MTOR: variants seen among roughly 807,000 people sequenced by gnomAD.
MTOR encodes the protein serine/threonine-protein kinase mTOR.
MTOR carries 70 observed loss-of-function variants against 319.8 expected under a neutral mutation model. That is an observed-to-expected ratio of 0.22 (90% CI 0.18 to 0.27). The LOEUF is 0.27. Ranked by LOEUF, MTOR falls within the 10% of genes least tolerant of loss-of-function variation. The probability of loss-of-function intolerance (pLI) is 1.00; values close to 1 mark genes in which losing one functional copy is unlikely to be tolerated. For synonymous variants in MTOR, 1,183 were observed against 1,211.4 expected, an observed-to-expected ratio of 0.98 and a Z score of 0.49; for missense variants, 1,890 against 3,274.4, an observed-to-expected ratio of 0.58 and a Z score of 10.32.
intron 6 of MTOR, among the ~76,000 whole-genome samples, chr1:11,248,835 A>G (rs116686110): frequency 1.0e-3 from 154 of 152,196 alleles, no homozygotes; most frequent in Non-Finnish European, 1.8e-3. Context: ...ACAAAAACTT[A>G]ACCAAATAAT....
intron 6 of MTOR, 74 bp from the exon 7 acceptor site, chr1:11,248,168 G>A: frequency 6.9e-7 from 1 of 1,447,230 alleles, no homozygotes; most frequent in South Asian, 1.3e-5. Flanking sequence ...GGATTCTACA[G>A]ACAATTACAT....
chr1:11,226,339 T>C (rs1461738082), intron 19 of MTOR: 1 of 152,080 alleles, frequency 6.6e-6, no homozygotes, highest in South Asian at 2.1e-4. Flanking sequence ...ACAGGCAAAT[T>C]TGTGAAGCAT....
At chr1:11,150,065 A>T in intron 31 of MTOR, 61 bp downstream of exon 31, 2 of 1,470,160 alleles carry the variant, frequency 1.4e-6, no homozygotes, top group South Asian at 2.3e-5. Flanking sequence ...TACTCTTCTG[A>T]TGCGAGCCCC....
chr1:11,165,651 T>C (rs1332006056), intron 29 of MTOR, among the ~76,000 whole-genome samples: 1 of 151,914 alleles, frequency 6.6e-6, no homozygotes, highest in Non-Finnish European at 1.5e-5. Context: ...ATCAATATCG[T>C]GAAAATGGCC....
Position 11,237,879 on chromosome 1 carries a change from G to C in MTOR, c.2172C>G (p.Ala724=). The change falls in exon 13 of 58, where the codon GCC becomes GCG. Residue 724 remains alanine, a synonymous_variant. Coordinates refer to ENST00000361445, the MANE Select transcript of MTOR (RefSeq NM_004958.4). ...TCTTGCGCAGGAAAGGCATGACAAA[G>C]GCAGGGTTCATGCTACTGAGTCGGC... ...TVGRLSSMNP[A]FVMPFLRKML... 1 of 1,614,110 alleles carries C rather than the reference G, an allele frequency of 6.2e-7. No homozygotes were observed. The highest frequency in any genetic ancestry group is 2.2e-5 in the East Asian group (1 of 44,884).
At chr1:11,250,348 G>A (rs918679076) in intron 6 of MTOR, among the ~76,000 whole-genome samples, 14 of 152,278 alleles carry the variant, frequency 9.2e-5, no homozygotes, top group Admixed American at 6.5e-4. Context: ...AGGGGCGGCC[G>A]GGCAGAGGCG....
At position 11,127,925 on chromosome 1, in the gene MTOR, G is replaced by A. The variant is rs1570941794; in HGVS notation, c.6033+79C>T. ...CAGAGGAAGTGCACAGCACCAATGC[G>A]AGGAAGAAAAACAATCCCACTTGCG... On this transcript the variant is annotated intron_variant, in intron 43 of 57. Coordinates refer to ENST00000361445, the MANE Select transcript of MTOR (RefSeq NM_004958.4). This position sits in a 1 kb window ranked among gnomAD's most constrained non-coding sequence, Gnocchi z 5.5. The A allele has an allele frequency of 4.4e-6, 7 of 1,593,860 alleles. No homozygotes were observed. In the East Asian group the frequency reaches 6.7e-5, roughly 15 times the overall value.
intron 20 of MTOR, among the ~76,000 whole-genome samples, chr1:11,215,158 A>ATC (rs567373800): frequency 6.6e-6 from 1 of 152,088 alleles, no homozygotes; most frequent in South Asian, 2.1e-4. Context: ...GTCATATTGT[A>ATC]TCCTTGTTTA....
chr1:11,226,513 G>A (rs1465938223), intron 19 of MTOR, among the ~76,000 whole-genome samples: 4 of 152,120 alleles, frequency 2.6e-5, no homozygotes, highest in African/African-American at 7.2e-5. Context: ...GAAGTAGGCC[G>A]GGTACAGTGG....
intron 28 of MTOR, chr1:11,193,716 G>T: frequency 6.2e-7 from 1 of 1,614,118 alleles, no homozygotes; most frequent in Non-Finnish European, 8.5e-7. Flanking sequence ...TTCTGGCTGG[G>T]GAACGAACAC....
In MTOR at chr1:11,231,443, G is replaced by A. The variant is rs1255781138; in HGVS notation, c.2515-9C>T. 3 of 1,613,538 alleles carry A rather than the reference G, an allele frequency of 1.9e-6. No homozygotes were observed. Among genetic ancestry groups the A allele is most frequent in the Non-Finnish European group, 2.5e-6 (3 of 1,179,766 alleles). On this transcript the variant is annotated splice_polypyrimidine_tract_variant and intron_variant, in intron 16 of 57. Coordinates refer to ENST00000361445, the MANE Select transcript of MTOR (RefSeq NM_004958.4). Reference sequence around the variant, plus strand: ...AGGGTCCACAGAGCCACCTGGATAGGCACAAGAACACGATTCAATGAGCCA... The same window carrying A: ...AGGGTCCACAGAGCCACCTGGATAGACACAAGAACACGATTCAATGAGCCA...
In MTOR at chr1:11,199,367, G is replaced by A. The variant is rs1571146566; in HGVS notation, c.4144C>T (p.Leu1382=). The change falls in exon 28 of 58, where the codon CTG becomes TTG. Residue 1382 remains leucine (L), a synonymous_variant. Coordinates refer to ENST00000361445, the MANE Select transcript of MTOR (RefSeq NM_004958.4). This position sits in a 1 kb window ranked among gnomAD's most constrained non-coding sequence, Gnocchi z 4.5. ...LPLRDDNGIV[L]LGERAAKCRA... ...CACTTGGCAGCTCTCTCACCCAGCA[G>A]AACAATGCCATTGTCATCTCTCAGT... 3 of 1,614,188 alleles carry A rather than the reference G, an allele frequency of 1.9e-6. No homozygotes were observed. Among genetic ancestry groups the A allele is most frequent in the Admixed American group, 1.7e-5 (1 of 60,016 alleles).
intron 36 of MTOR, among the ~76,000 whole-genome samples, chr1:11,137,740 G>A (rs911554153): frequency 1.3e-5 from 2 of 152,138 alleles, no homozygotes; most frequent in East Asian, 3.8e-4. Context: ...GCCTGTCTCT[G>A]GACTCTGTGA....
intron 13 of MTOR, among the ~76,000 whole-genome samples, chr1:11,237,283 C>T (rs971295437): frequency 5.9e-5 from 9 of 152,068 alleles, no homozygotes; most frequent in African/African-American, 2.2e-4. Flanking sequence ...AACTGAGGAG[C>T]CATGTCTCCA....
intron 25 of MTOR, among the ~76,000 whole-genome samples, chr1:11,206,456 G>A (rs767546702): frequency 1.3e-5 from 2 of 152,050 alleles, no homozygotes; most frequent in Admixed American, 6.6e-5. Context: ...AGTGCCTCAC[G>A]GTCCACATCT....
At position 11,133,291 on chromosome 1, in the gene MTOR, T is replaced by A; in HGVS notation, c.5247-94A>T. Reference sequence around the variant, plus strand: ...TTGTTAGGGGACACTGAAGCCCTTCTGGTATTTCCTCTTATTCTCAAGAGG... The same window carrying A: ...TTGTTAGGGGACACTGAAGCCCTTCAGGTATTTCCTCTTATTCTCAAGAGG... On this transcript the variant is annotated intron_variant, in intron 37 of 57. Transcript: ENST00000361445. This position sits in a 1 kb window ranked among gnomAD's most constrained non-coding sequence, Gnocchi z 4.0. The A allele has an allele frequency of 9.1e-7, 1 of 1,094,232 alleles. No individual in the cohort carries two copies. Among genetic ancestry groups the A allele is most frequent in the Non-Finnish European group, 1.4e-6 (1 of 727,968 alleles). 67.8% of individuals were successfully genotyped at this position (1,094,232 alleles called of 1,614,324 possible).
intron 28 of MTOR, chr1:11,193,573 G>A: frequency 6.3e-7 from 1 of 1,576,262 alleles, no homozygotes; most frequent in Non-Finnish European, 8.6e-7. Flanking sequence ...TATCCCCTCT[G>A]CTTCAGGTGT....
chr1:11,156,082 C>G (rs1198644570), intron 30 of MTOR, among the ~76,000 whole-genome samples: 1 of 152,120 alleles, frequency 6.6e-6, no homozygotes, highest in African/African-American at 2.4e-5. Context: ...CCTCCGCCTC[C>G]CGGGTTCAAG....
chr1:11,153,996 G>A (rs1644233546), intron 30 of MTOR, among the ~76,000 whole-genome samples: 1 of 144,530 alleles, frequency 6.9e-6, no homozygotes, highest in South Asian at 2.2e-4. Context: ...TTGACCCTGG[G>A]AGGTGAAGGT....
Sources: gnomAD v4.1 joint callset for allele counts (sites outside exome capture counted in the v4.1 genomes callset) on GRCh38, gnomAD v4.1.1 for gene constraint, Gnocchi (gnomAD v3.1) non-coding constraint, MANE v1.5 for transcripts, NCBI Gene and HGNC (gene_info 2026-07-23, HGNC 2026-07-21) for gene names.